PPFIBP2: variants seen among roughly 807,000 people sequenced by gnomAD.
The protein encoded by PPFIBP2 is liprin-beta-2.
A neutral mutation model predicts 118.3 loss-of-function variants in PPFIBP2; 118 were observed. That is an observed-to-expected ratio of 1.00 (90% confidence interval 0.86 to 1.16). The LOEUF (loss-of-function observed/expected upper bound fraction) is 1.16. Ranked by LOEUF, PPFIBP2 falls within the 50% of genes most tolerant of loss-of-function variation. The pLI, the probability that PPFIBP2 is intolerant of heterozygous loss-of-function variation, is 0.00. For synonymous variants in PPFIBP2, 414 were observed against 397.4 expected (o/e 1.04, Z -0.50); for missense variants, 1,195 against 1,073.1 (o/e 1.11, Z -1.59).
chr11:7,663,338 C>T, the PPFIBP2 span, among the ~76,000 whole-genome samples: 2 of 150,600 alleles, frequency 1.3e-5, no homozygotes, highest in Non-Finnish European at 3.0e-5. Flanking sequence ...TGTGGATGTC[C>T]TTTCTGTTTG....
intron 1 of PPFIBP2, among the ~76,000 whole-genome samples, chr11:7,530,555 G>A (rs974853612): frequency 3.9e-5 from 6 of 152,178 alleles, no homozygotes; most frequent in Non-Finnish European, 4.4e-5. Context: ...GGACATAGCT[G>A]GAAGGCACCA....
At chr11:7,666,851 T>TTTTAATGATA in the PPFIBP2 span, 1 of 270,558 alleles carries the variant, frequency 3.7e-6, no homozygotes, top group South Asian at 4.7e-5. Flanking sequence ...ATGGCTTCAC[T>TTTTAATGATA]CGGAGCTCCA....
rs754075179 is a variant in PPFIBP2 at position 7,610,428 on chromosome 11, G to T, written c.618+6G>T. On this transcript the variant is annotated splice_donor_region_variant and intron_variant, in intron 6 of 23. Coordinates refer to ENST00000299492, the MANE Select transcript of PPFIBP2 (RefSeq NM_003621.5). ...AGAAGCAGAGAAAAGCAGAGGTAAG[G>T]GTGAGTGTGTACTGTCCTAAGCTCA... The T allele has an allele frequency of 1.2e-6, 2 of 1,612,862 alleles. No individual in the cohort carries two copies. Among genetic ancestry groups the T allele is most frequent in the Non-Finnish European group, 8.5e-7 (1 of 1,179,866 alleles).
At chr11:7,625,049 G>T (rs78671164) in intron 7 of PPFIBP2, among the ~76,000 whole-genome samples, 1,627 of 152,290 alleles carry the variant, frequency 0.011, 33 homozygotes, top group African/African-American at 0.037. Flanking sequence ...ACTTAATGGC[G>T]ACATGGGAAC....
chr11:7,538,009 C>T (rs1029449232), intron 1 of PPFIBP2, among the ~76,000 whole-genome samples: 4 of 152,086 alleles, frequency 2.6e-5, no homozygotes, highest in East Asian at 1.9e-4. Context: ...GGCAGAATAT[C>T]GAGAGCAGAA....
intron 3 of PPFIBP2, among the ~76,000 whole-genome samples, chr11:7,568,283 C>T (rs1216491313): frequency 6.6e-6 from 1 of 152,188 alleles, no homozygotes; most frequent in Non-Finnish European, 1.5e-5. Context: ...CTCTGAGTGA[C>T]CTCATGGGTA....
the PPFIBP2 span, chr11:7,665,778 TCTGTCAG>T: frequency 6.9e-7 from 1 of 1,443,650 alleles, no homozygotes; most frequent in Non-Finnish European, 9.3e-7. Flanking sequence ...CCTGCTGCTG[TCTGTCAG>T]CTGTCAGCAT....
chr11:7,536,041 G>A (rs571060254), intron 1 of PPFIBP2, among the ~76,000 whole-genome samples: 1 of 152,320 alleles, frequency 6.6e-6, no homozygotes, highest in Non-Finnish European at 1.5e-5. Flanking sequence ...GAGTCTAAGC[G>A]CTTTACTCTG....
At chr11:7,658,292 C>G (rs1670922098), downstream of PPFIBP2, among the ~76,000 whole-genome samples, 1 of 114,128 alleles carries the variant, frequency 8.8e-6, no homozygotes, top group African/African-American at 3.6e-5. Flanking sequence ...GCTATCCCTC[C>G]CCCCTCCCCC....
At chr11:7,657,996 A>G (rs1013923233), downstream of PPFIBP2, among the ~76,000 whole-genome samples, 3 of 152,252 alleles carry the variant, frequency 2.0e-5, no homozygotes, top group Admixed American at 6.5e-5. Flanking sequence ...AGAACCTTCC[A>G]TGCCAGGGCT....
intron 11 of PPFIBP2, 28 bp downstream of exon 11, chr11:7,631,056 G>C (rs770428097): frequency 5.1e-6 from 8 of 1,557,142 alleles, no homozygotes; most frequent in Non-Finnish European, 7.1e-6. Flanking sequence ...ATGACGTAGG[G>C]TTTCAGCAGG....
chr11:7,605,766 G>A, intron 5 of PPFIBP2: 1 of 1,373,364 alleles, frequency 7.3e-7, no homozygotes, highest in Non-Finnish European at 9.3e-7. Context: ...TGAGCAAGTG[G>A]GACAGATGAA....
chr11:7,565,853 A>T, intron 3 of PPFIBP2, 86 bp downstream of exon 3: 1 of 1,418,156 alleles, frequency 7.1e-7, no homozygotes, highest in Non-Finnish European at 9.7e-7. Flanking sequence ...GGGGCTGTTG[A>T]GTCATCTGTA....
At chr11:7,661,905 C>T (rs562654327), downstream of PPFIBP2, among the ~76,000 whole-genome samples, 1 of 126,274 alleles carries the variant, frequency 7.9e-6, no homozygotes, top group Admixed American at 7.9e-5. Flanking sequence ...TATGTAATGG[C>T]CTTCTTTGTC....
chr11:7,665,607 G>T, the PPFIBP2 span: 1 of 1,514,178 alleles, frequency 6.6e-7, no homozygotes, highest in Non-Finnish European at 8.9e-7. Flanking sequence ...CTGATCCCAG[G>T]CCGCCTGCAC....
intron 17 of PPFIBP2, among the ~76,000 whole-genome samples, chr11:7,645,374 A>C (rs1852905760): frequency 1.3e-5 from 2 of 152,178 alleles, no homozygotes; most frequent in Admixed American, 1.3e-4. Flanking sequence ...TCACTAATGA[A>C]CTGTAAATTA....
intron 6 of PPFIBP2, among the ~76,000 whole-genome samples, chr11:7,614,346 C>T (rs1342294587): frequency 6.6e-6 from 1 of 152,242 alleles, no homozygotes; most frequent in African/African-American, 2.4e-5. Context: ...CAGACACACA[C>T]ACTTTCCCTC....
At position 7,620,929 on chromosome 11, in the gene PPFIBP2, C is replaced by G. The variant is rs1590645239; in HGVS notation, c.619-6C>G. 6.3e-7 allele frequency: 1 copy of G among 1,591,494 alleles called. No individual in the cohort carries two copies. Among genetic ancestry groups the G allele is most frequent in the East Asian group, 2.2e-5 (1 of 44,772 alleles). On this transcript the variant is annotated splice_polypyrimidine_tract_variant and splice_region_variant and intron_variant, in intron 6 of 23. Coordinates refer to ENST00000299492, the MANE Select transcript of PPFIBP2 (RefSeq NM_003621.5). ...CAGAACTTTGTCTTTCTCCCTCATC[C>G]CCTAGGAGTTACTGCAAGAGCTCAG...
intron 7 of PPFIBP2, among the ~76,000 whole-genome samples, chr11:7,622,378 A>G (rs975862024): frequency 3.3e-5 from 5 of 152,198 alleles, no homozygotes; most frequent in Non-Finnish European, 5.9e-5. Context: ...GGGGATTACA[A>G]TTCAACATGA....
Sources: gnomAD v4.1 joint callset for allele counts (sites outside exome capture counted in the v4.1 genomes callset) on GRCh38, gnomAD v4.1.1 for gene constraint, MANE v1.5 for transcripts, NCBI Gene and HGNC (gene_info 2026-07-23, HGNC 2026-07-21) for gene names.